SSX3: variants seen among roughly 807,000 people sequenced by gnomAD.
The protein encoded by SSX3 is protein SSX3.
In SSX3, 6 loss-of-function variants were observed where a neutral mutation model predicts 14.8. The observed-to-expected ratio is 0.41, with a 90% CI of 0.22 to 0.80. SSX3 has a LOEUF of 0.80. SSX3 is among the 30% of genes least tolerant of loss of function. The pLI is 0.34. For synonymous variants in SSX3, 55 were observed against 52.9 expected (o/e 1.04, Z -0.18); for missense variants, 163 against 152.2 (o/e 1.07, Z -0.37).
intron 1 of SSX3, 104 bp downstream of exon 1, chrX:48,356,530 G>A (rs1434524318): frequency 9.0e-6 from 1 of 111,320 alleles, no homozygotes; most frequent in African/African-American, 3.3e-5. Context: ...ATTTAAGATG[G>A]CGGCCTGCCT....
intron 5 of SSX3, among the ~76,000 whole-genome samples, chrX:48,350,784 T>C (rs1209533400): frequency 9.3e-6 from 1 of 107,240 alleles, no homozygotes; most frequent in Admixed American, 1.0e-4. Flanking sequence ...TTTTTTTTTT[T>C]TTTTTGAGAC....
chrX:48,350,946 T>C (rs781924656), intron 5 of SSX3, among the ~76,000 whole-genome samples: 12 of 109,478 alleles, frequency 1.1e-4, no homozygotes, highest in Non-Finnish European at 1.5e-4. Flanking sequence ...AAGTTTTGTA[T>C]TTTTAGTAGA....
Position 48,348,210 on chromosome X carries a change from C to T in SSX3, c.467-606G>A, listed in dbSNP as rs1286298478. ...ATCACATCATGGAAAATAGGGTATC[C>T]ATCCTCAAGCATTTATCCTTGCCTT... On this transcript the variant is annotated intron_variant, in intron 6 of 7. Transcript: ENST00000298396. 4 of 426,930 alleles carry T rather than the reference C, an allele frequency of 9.4e-6. No individual in the cohort carries two copies. The African/African-American group carries it at 1.0e-4, about 11-fold the overall frequency. 35.2% of individuals were successfully genotyped at this position (426,930 alleles called of 1,213,427 possible).
intron 4 of SSX3, among the ~76,000 whole-genome samples, chrX:48,352,557 C>T (rs1301418254): frequency 3.6e-5 from 4 of 112,582 alleles, no homozygotes; most frequent in Non-Finnish European, 5.6e-5. Flanking sequence ...TGGTGAACCA[C>T]GGATGATTTG....
intron 6 of SSX3, 104 bp from the exon 7 acceptor site, chrX:48,347,708 G>C (rs1187500907): frequency 8.6e-7 from 1 of 1,169,190 alleles, no homozygotes; most frequent in Non-Finnish European, 1.2e-6. Flanking sequence ...AAGTGCCCAT[G>C]GGCCTTCTTT....
intron 5 of SSX3, 134 bp downstream of exon 5, chrX:48,351,966 T>G (rs1414499873): frequency 2.4e-5 from 20 of 833,198 alleles, no homozygotes; most frequent in Non-Finnish European, 3.5e-5. Flanking sequence ...CCGTCGGTGC[T>G]ACATCAGGTG....
At chrX:48,352,616 T>C (rs1569461515) in intron 4 of SSX3, among the ~76,000 whole-genome samples, 1 of 112,447 alleles carries the variant, frequency 8.9e-6, no homozygotes, top group Non-Finnish European at 1.9e-5. Flanking sequence ...CCTTTAACGT[T>C]AAAAACTTGG....
chrX:48,346,606 T>TG lies in SSX3; in HGVS notation c.*433dup. On this transcript the variant is annotated 3_prime_UTR_variant, in exon 8 of 8. Transcript: ENST00000298396. ...GTGTGTCTGTGTGTGTGTGTGTGTG[T>TG]GTGTGGTGTGGTTTGTGTGTGTGTG... 1 of 296,406 alleles carries TG rather than the reference T, an allele frequency of 3.4e-6. No individual in the cohort carries two copies. The highest frequency in any genetic ancestry group is 6.1e-6 in the Non-Finnish European group (1 of 164,633). The allele number at this position is 296,406 out of a possible 1,213,427, so 24.4% of individuals were successfully genotyped here.
intron 5 of SSX3, among the ~76,000 whole-genome samples, chrX:48,351,875 T>C (rs1254127918): frequency 8.9e-6 from 1 of 112,172 alleles, no homozygotes; most frequent in Non-Finnish European, 1.9e-5. Flanking sequence ...AATTAATCCA[T>C]GTGAACTGCT....
At chrX:48,347,298 C>T (rs1408152149) in intron 7 of SSX3, among the ~76,000 whole-genome samples, 1 of 112,456 alleles carries the variant, frequency 8.9e-6, no homozygotes, top group Non-Finnish European at 1.9e-5. Context: ...CCCACAGCAT[C>T]CTGGGTAGGG....
At chrX:48,348,693 A>T (rs1254523142) in intron 6 of SSX3, among the ~76,000 whole-genome samples, 1 of 112,514 alleles carries the variant, frequency 8.9e-6, no homozygotes. Context: ...GCAAAGGAAA[A>T]GTTCTTGAAG....
intron 6 of SSX3, chrX:48,348,235 TACAA>T: frequency 2.2e-6 from 1 of 453,903 alleles, no homozygotes; most frequent in Non-Finnish European, 4.0e-6. Context: ...ATCCTTGCCT[TACAA>T]ACAATCCATT....
chrX:48,347,662 T>C, intron 6 of SSX3, 58 bp from the exon 7 acceptor site: 1 of 1,206,588 alleles, frequency 8.3e-7, no homozygotes, highest in Non-Finnish European at 1.1e-6. Context: ...TGTTAGGCTC[T>C]GTTTACTCAA....
chrX:48,350,936 A>T (rs2061260097), intron 5 of SSX3, among the ~76,000 whole-genome samples: 1 of 108,664 alleles, frequency 9.2e-6, no homozygotes, highest in Non-Finnish European at 1.9e-5. Context: ...ACGCCCCACT[A>T]AGTTTTGTAT....
chrX:48,353,894 C>G lies in SSX3; in HGVS notation c.280+105G>C, dbSNP rs868978357. 6.8e-5 allele frequency: 59 copies of G among 866,400 alleles called. 1 individual carries two copies. The Middle Eastern group carries it at 3.9e-3, about 57-fold the overall frequency. The allele number at this position is 866,400 out of a possible 1,213,427, so 71.4% of individuals were successfully genotyped here. A position where few individuals can be genotyped will look rare whatever the true frequency, so the allele number is the denominator to read the frequency against. ...TGCAATTTTTTTTTTCACTCTGCCC[C>G]GATGTGTATGAGGGAACAAATGCCT... On this transcript the variant is annotated intron_variant, in intron 4 of 7. Transcript: ENST00000298396.
In SSX3 at chrX:48,355,176, C is replaced by T. The variant is rs1601988427; in HGVS notation, c.69+5G>A. On this transcript the variant is annotated splice_donor_5th_base_variant and intron_variant, in intron 2 of 7. Transcript: ENST00000298396. ...CACTACTCTGCTCCCTCTAGGTCAC[C>T]TCACCTTTTGTATCTTCTCTGGTAT... 8.3e-7 allele frequency: 1 copy of T among 1,210,972 alleles called. No individual in the cohort carries two copies. The highest frequency in any genetic ancestry group is 2.2e-5 in the Admixed American group (1 of 45,988).
At chrX:48,354,844 G>A in intron 2 of SSX3, 98 bp from the exon 3 acceptor site, 3 of 1,200,980 alleles carry the variant, frequency 2.5e-6, no homozygotes, top group Non-Finnish European at 3.4e-6. Context: ...TGGGAAGTGG[G>A]GATAATCCTT....
chrX:48,350,668 C>T (rs2061258200), intron 5 of SSX3, among the ~76,000 whole-genome samples: 2 of 111,048 alleles, frequency 1.8e-5, no homozygotes, highest in Non-Finnish European at 3.8e-5. Context: ...TACTACCCTA[C>T]CGAGGCACCA....
intron 5 of SSX3, among the ~76,000 whole-genome samples, chrX:48,350,928 G>A (rs1556949679): frequency 9.2e-6 from 1 of 109,073 alleles, no homozygotes; most frequent in African/African-American, 3.3e-5. Flanking sequence ...GCACTACCAC[G>A]CCCCACTAAG....
Sources: allele counts gnomAD v4.1 joint callset (sites outside exome capture counted in the v4.1 genomes callset), GRCh38; gene constraint gnomAD v4.1.1; transcripts MANE v1.5; gene names NCBI Gene and HGNC (gene_info 2026-07-23, HGNC 2026-07-21).